SAMD13: variants seen among roughly 807,000 people sequenced by gnomAD.
SAMD13 encodes sterile alpha motif domain-containing protein 13.
SAMD13 carries 9 observed loss-of-function variants against 12.4 expected under a neutral mutation model. That is an observed-to-expected ratio of 0.72 (90% CI 0.44 to 1.26). The LOEUF is 1.26. Ranked by LOEUF, SAMD13 falls within the 50% of genes most tolerant of loss-of-function variation. The pLI is 0.00. For missense variants in SAMD13, 84 were observed against 119.6 expected (o/e 0.70, Z 1.39); for synonymous variants, 46 against 45.4 (o/e 1.01, Z -0.05).
At chr1:84,329,444 G>T (rs954230583) in intron 3 of SAMD13, among the ~76,000 whole-genome samples, 12 of 152,294 alleles carry the variant, frequency 7.9e-5, no homozygotes, top group Non-Finnish European at 1.5e-4. Flanking sequence ...TCATAGCACA[G>T]TATTGGAAAC....
chr1:84,332,579 G>A (rs906361414), intron 3 of SAMD13, among the ~76,000 whole-genome samples: 7 of 151,966 alleles, frequency 4.6e-5, no homozygotes, highest in African/African-American at 1.4e-4. Context: ...GTAATGGGTT[G>A]TTTGTTTTCT....
At chr1:84,318,060 G>A (rs113994904) in intron 2 of SAMD13, among the ~76,000 whole-genome samples, 4,726 of 151,998 alleles carry the variant, frequency 0.031, 95 homozygotes, top group Non-Finnish European at 0.048. Flanking sequence ...ATTTATTTGA[G>A]TCTTCACTCT....
rs148176470 is a variant in SAMD13 at position 84,308,366 on chromosome 1, T to C, written c.53+5079T>C. On this transcript the variant is annotated intron_variant, in intron 2 of 3. Coordinates refer to ENST00000394834, the MANE Select transcript of SAMD13 (RefSeq NM_001134663.2). ...GCTATGTTGTGGAGGGGGCTGCCCC[T>C]ATACATTGTAGGATGTTTCTCAGCA... Among the ~76,000 whole-genome samples the C allele has an allele frequency of 3.4e-3, 525 of 152,274 alleles. 1 individual carries two copies. The highest frequency in any genetic ancestry group is 0.01 in the Middle Eastern group (3 of 294).
intron 2 of SAMD13, among the ~76,000 whole-genome samples, chr1:84,319,461 A>C (rs929731922): frequency 6.6e-6 from 1 of 151,814 alleles, no homozygotes; most frequent in Non-Finnish European, 1.5e-5. Flanking sequence ...ATCTCTACTA[A>C]AAATACAAAA....
chr1:84,346,620 T>C (rs754143296), intron 3 of SAMD13, among the ~76,000 whole-genome samples: 15 of 152,322 alleles, frequency 9.8e-5, no homozygotes, highest in Admixed American at 5.2e-4. Context: ...AGTTGTTCCT[T>C]ACGGAAAGTT....
At chr1:84,346,357 G>A (rs1224076715) in intron 3 of SAMD13, among the ~76,000 whole-genome samples, 1 of 152,134 alleles carries the variant, frequency 6.6e-6, no homozygotes, top group African/African-American at 2.4e-5. Flanking sequence ...AACTTAATAA[G>A]TATGTAAACA....
intron 3 of SAMD13, among the ~76,000 whole-genome samples, chr1:84,333,315 A>G (rs1679229886): frequency 6.6e-6 from 1 of 152,168 alleles, no homozygotes; most frequent in Non-Finnish European, 1.5e-5. Context: ...GGCCATTTTA[A>G]TGATATCGAT....
intron 2 of SAMD13, among the ~76,000 whole-genome samples, chr1:84,320,029 A>G (rs1678907580): frequency 6.6e-6 from 1 of 152,170 alleles, no homozygotes; most frequent in Admixed American, 6.5e-5. Flanking sequence ...ACTTTTTGGA[A>G]TAGAGCAGGA....
At chr1:84,320,239 C>A (rs905773413) in intron 2 of SAMD13, among the ~76,000 whole-genome samples, 40 of 152,166 alleles carry the variant, frequency 2.6e-4, no homozygotes, top group African/African-American at 9.7e-4. Flanking sequence ...CTGACATAAG[C>A]AAAGCCACGG....
rs193055838 is a variant in SAMD13 at position 84,312,743 on chromosome 1, A to G, written c.53+9456A>G. Among the ~76,000 whole-genome samples the G allele has an allele frequency of 1.2e-3, 177 of 152,306 alleles. 1 individual carries two copies. Among genetic ancestry groups the G allele is most frequent in the African/African-American group, 3.9e-3 (164 of 41,590 alleles). ...CAATGGAATTGTGTTTAACATAAAC[A>G]TATTTTATACCACTTCAAGTTTTTA... On this transcript the variant is annotated intron_variant, in intron 2 of 3. Coordinates refer to ENST00000394834, the MANE Select transcript of SAMD13 (RefSeq NM_001134663.2).
intron 2 of SAMD13, among the ~76,000 whole-genome samples, chr1:84,317,062 A>G (rs1359577551): frequency 1.3e-5 from 2 of 152,006 alleles, no homozygotes; most frequent in African/African-American, 4.8e-5. Context: ...GTATCCTGCA[A>G]CTTTGCTGAA....
At chr1:84,337,791 T>G (rs897313658) in intron 3 of SAMD13, among the ~76,000 whole-genome samples, 2 of 152,226 alleles carry the variant, frequency 1.3e-5, no homozygotes, top group African/African-American at 4.8e-5. Flanking sequence ...CTGAACTTTT[T>G]TGCTCTGTTT....
At chr1:84,332,540 C>T (rs1006378050) in intron 3 of SAMD13, among the ~76,000 whole-genome samples, 4 of 151,862 alleles carry the variant, frequency 2.6e-5, no homozygotes, top group East Asian at 1.9e-4. Context: ...TCTTTTGTGA[C>T]GTGTCTGTTC....
chr1:84,325,719 G>A lies in SAMD13; in HGVS notation c.136G>A (p.Glu46Lys). The change falls in exon 3 of 4, where the codon GAG becomes AAG. Residue 46 changes from glutamate (E) to lysine (K), a missense_variant. Coordinates refer to ENST00000394834, the MANE Select transcript of SAMD13 (RefSeq NM_001134663.2). Reference sequence around the variant, plus strand: ...CAATTATTTCCGAACCGTGGGATTTGAGGAGCAAGCTAGTGCTTTTCAGGA... The same window carrying A: ...CAATTATTTCCGAACCGTGGGATTTAAGGAGCAAGCTAGTGCTTTTCAGGA... Reference protein sequence around the residue: ...VVNYFRTVGFEEQASAFQEQE... With the variant: ...VVNYFRTVGFKEQASAFQEQE... The A allele has an allele frequency of 6.2e-7, 1 of 1,613,092 alleles. No homozygotes were observed. The highest frequency in any genetic ancestry group is 8.5e-7 in the Non-Finnish European group (1 of 1,179,256).
intron 3 of SAMD13, among the ~76,000 whole-genome samples, chr1:84,334,037 G>C (rs761577843): frequency 9.9e-5 from 15 of 152,158 alleles, no homozygotes; most frequent in African/African-American, 3.6e-4. Context: ...ATCTCTGCCA[G>C]GTTCTGGTAT....
At chr1:84,324,647 G>A (rs1308993495) in intron 2 of SAMD13, among the ~76,000 whole-genome samples, 1 of 152,112 alleles carries the variant, frequency 6.6e-6, no homozygotes, top group Admixed American at 6.5e-5. Flanking sequence ...TGTCCTGAGG[G>A]ACCTCCAAAG....
intron 2 of SAMD13, among the ~76,000 whole-genome samples, chr1:84,307,510 TTCTC>T (rs1357470471): frequency 6.6e-6 from 1 of 152,208 alleles, no homozygotes; most frequent in African/African-American, 2.4e-5. Flanking sequence ...TTTGTATTGT[TTCTC>T]AGTCAGTTTC....
chr1:84,349,202 A>G (rs1679596297), intron 3 of SAMD13, among the ~76,000 whole-genome samples: 1 of 152,162 alleles, frequency 6.6e-6, no homozygotes. Flanking sequence ...GCTTGCCTGT[A>G]AAATAGAAAT....
At chr1:84,302,809 A>C (rs1256730523) in intron 1 of SAMD13, 20 of 208,798 alleles carry the variant, frequency 9.6e-5, no homozygotes, top group South Asian at 1.9e-4. Flanking sequence ...AAACAAATCA[A>C]AGCCCATAAT....
Sources: allele counts gnomAD v4.1 joint callset (sites outside exome capture counted in the v4.1 genomes callset), GRCh38; gene constraint gnomAD v4.1.1; transcripts MANE v1.5; gene names NCBI Gene and HGNC (gene_info 2026-07-23, HGNC 2026-07-21).